TLK1: variants seen among roughly 807,000 people sequenced by gnomAD.
TLK1 encodes the protein serine/threonine-protein kinase tousled-like 1.
A neutral mutation model predicts 105.3 loss-of-function variants in TLK1; 24 were observed. The observed-to-expected ratio is 0.23, with a 90% confidence interval of 0.17 to 0.32. The LOEUF is 0.32. Among genes scored for constraint, TLK1 ranks in the 10% least tolerant of loss-of-function variants. TLK1 has a pLI of 1.00. For missense variants in TLK1, 558 were observed against 910.5 expected (o/e 0.61, Z 4.98); for synonymous variants, 321 against 310.4 (o/e 1.03, Z -0.36).
chr2:171,095,009 A>C (rs1689393880), intron 2 of TLK1, among the ~76,000 whole-genome samples: 1 of 152,188 alleles, frequency 6.6e-6, no homozygotes, highest in Admixed American at 6.5e-5. Flanking sequence ...CAGAAATTAA[A>C]CAACACACTC....
At chr2:171,191,839 C>A (rs184494806) in intron 1 of TLK1, among the ~76,000 whole-genome samples, 2 of 152,098 alleles carry the variant, frequency 1.3e-5, no homozygotes, top group East Asian at 3.9e-4. Context: ...CTGTGATGAG[C>A]TTAAAAACTC....
chr2:171,107,912 T>C (rs1305692079), intron 2 of TLK1, among the ~76,000 whole-genome samples: 6 of 151,452 alleles, frequency 4.0e-5, no homozygotes, highest in Non-Finnish European at 8.8e-5. Flanking sequence ...ACAAAAAACT[T>C]AGCCAGGCAT....
intron 1 of TLK1, among the ~76,000 whole-genome samples, chr2:171,151,125 G>A (rs1048626922): frequency 1.4e-4 from 21 of 151,672 alleles, no homozygotes; most frequent in East Asian, 7.8e-4. Context: ...GGGCTCAGGC[G>A]ATCCACCTCA....
chr2:171,103,866 C>T (rs1575597988), intron 2 of TLK1, among the ~76,000 whole-genome samples: 1 of 152,088 alleles, frequency 6.6e-6, no homozygotes, highest in Non-Finnish European at 1.5e-5. Context: ...ATATAGAAAA[C>T]CCTAAAAGCT....
At chr2:171,175,428 C>T (rs566456500) in intron 1 of TLK1, among the ~76,000 whole-genome samples, 9 of 152,082 alleles carry the variant, frequency 5.9e-5, no homozygotes, top group Admixed American at 1.3e-4. Flanking sequence ...TTACATTGTA[C>T]TAGGTATCAT....
chr2:171,079,934 C>G (rs1575580838), intron 3 of TLK1, among the ~76,000 whole-genome samples: 2 of 152,142 alleles, frequency 1.3e-5, no homozygotes, highest in East Asian at 3.9e-4. Context: ...AACTGGTGAA[C>G]TACAATAGGG....
intron 2 of TLK1, among the ~76,000 whole-genome samples, chr2:171,115,930 A>G (rs922402455): frequency 6.6e-6 from 1 of 152,254 alleles, no homozygotes; most frequent in Non-Finnish European, 1.5e-5. Flanking sequence ...AAAGAGATGT[A>G]CAAGGTAATT....
Position 171,173,879 on chromosome 2 carries a change from C to G in TLK1, c.-5-56022G>C, listed in dbSNP as rs540010319. On this transcript the variant is annotated intron_variant, in intron 1 of 20. Coordinates refer to the TLK1 transcript ENST00000521943. ...CAAGACAAGAACCCAGTTAGTTATC[C>G]AAACAAGAGAACTGAGAGTCATTCT... 5.3e-5 allele frequency among the ~76,000 whole-genome samples: 8 copies of G among 152,156 alleles called. No homozygotes were observed. The South Asian group carries it at 8.3e-4, about 16-fold the overall frequency.
chr2:171,017,535 T>G (rs1365337949), intron 12 of TLK1, among the ~76,000 whole-genome samples: 1 of 152,230 alleles, frequency 6.6e-6, no homozygotes, highest in Non-Finnish European at 1.5e-5. Flanking sequence ...TCAAATAGGT[T>G]GTTGATGAAC....
chr2:171,057,906 A>C (rs1430157748), intron 5 of TLK1, among the ~76,000 whole-genome samples: 1 of 152,078 alleles, frequency 6.6e-6, no homozygotes, highest in African/African-American at 2.4e-5. Context: ...AAACACTAAT[A>C]TGTATTTTGC....
intron 11 of TLK1, among the ~76,000 whole-genome samples, chr2:171,036,796 A>C (rs984672321): frequency 1.3e-5 from 2 of 152,166 alleles, no homozygotes; most frequent in Admixed American, 6.5e-5. Context: ...TATGGGATTT[A>C]GATGTGATGT....
chr2:171,035,767 G>C (rs1339154867), intron 11 of TLK1, among the ~76,000 whole-genome samples: 1 of 152,194 alleles, frequency 6.6e-6, no homozygotes, highest in Non-Finnish European at 1.5e-5. Flanking sequence ...GTCAGAATCA[G>C]AGTAATGTGA....
chr2:171,040,568 GTTTTTTT>G (rs59971440), intron 11 of TLK1, among the ~76,000 whole-genome samples: 4 of 104,294 alleles, frequency 3.8e-5, no homozygotes, highest in Non-Finnish European at 8.1e-5. Context: ...TTCCTTTTTT[GTTTTTTT>G]TTTTTTTTTT....
chr2:171,003,973 G>A (rs541633616), intron 18 of TLK1, among the ~76,000 whole-genome samples: 6 of 148,482 alleles, frequency 4.0e-5, no homozygotes, highest in Non-Finnish European at 8.9e-5. Flanking sequence ...TTTTTTTTTC[G>A]AGACGGAGTC....
intron 1 of TLK1, among the ~76,000 whole-genome samples, chr2:171,224,791 T>C (rs58470363): frequency 0.055 from 8,339 of 152,240 alleles, 483 homozygotes; most frequent in East Asian, 0.25. Context: ...TCACATTTCT[T>C]AGTTTCAAAA....
intron 1 of TLK1, among the ~76,000 whole-genome samples, chr2:171,186,315 C>T (rs577421121): frequency 4.6e-5 from 7 of 152,352 alleles, no homozygotes; most frequent in Admixed American, 3.3e-4. Flanking sequence ...ACACACCATG[C>T]CACATGGAAG....
chr2:171,001,680 C>T (rs368203183), intron 18 of TLK1, among the ~76,000 whole-genome samples: 1 of 152,160 alleles, frequency 6.6e-6, no homozygotes, highest in South Asian at 2.1e-4. Context: ...AAATGTCCTC[C>T]GTGGCATTTT....
intron 3 of TLK1, among the ~76,000 whole-genome samples, chr2:171,080,111 T>C (rs1477228077): frequency 6.6e-6 from 1 of 150,724 alleles, no homozygotes; most frequent in Non-Finnish European, 1.5e-5. Flanking sequence ...GCAGGAAAAT[T>C]GCTTGAACCT....
intron 12 of TLK1, among the ~76,000 whole-genome samples, chr2:171,027,873 G>A (rs770428860): frequency 6.6e-6 from 1 of 152,180 alleles, no homozygotes; most frequent in Admixed American, 6.6e-5. Context: ...ACATAAAAAT[G>A]TAATTTTGGC....
Sources: allele counts gnomAD v4.1 joint callset (sites outside exome capture counted in the v4.1 genomes callset), GRCh38; gene constraint gnomAD v4.1.1; transcripts MANE v1.5; gene names NCBI Gene and HGNC (gene_info 2026-07-23, HGNC 2026-07-21).